Variants in TMEM178B observed in about 807,000 individuals in gnomAD.
TMEM178B encodes transmembrane protein 178B.
In TMEM178B, 5 loss-of-function variants were observed where a neutral mutation model predicts 31.0. That is an observed-to-expected ratio of 0.16 (90% CI 0.08 to 0.34). The LOEUF (loss-of-function observed/expected upper bound fraction) is 0.34, where lower values mean the gene tolerates loss of function less well. Ranked by LOEUF, TMEM178B falls within the 10% of genes least tolerant of loss-of-function variation. The pLI, the probability that TMEM178B is intolerant of heterozygous loss-of-function variation, is 1.00. For synonymous variants in TMEM178B, 164 were observed against 164.0 expected (o/e 1.00, Z 0.00); for missense variants, 275 against 400.3 (o/e 0.69, Z 2.67).
At chr7:141,213,966 G>A (rs1797090423) in intron 2 of TMEM178B, among the ~76,000 whole-genome samples, 1 of 152,198 alleles carries the variant, frequency 6.6e-6, no homozygotes, top group Admixed American at 6.5e-5. Context: ...CAGCACATGG[G>A]GATGGAGAGC....
intron 1 of TMEM178B, among the ~76,000 whole-genome samples, chr7:141,175,895 A>G (rs1796425563): frequency 6.6e-6 from 1 of 152,224 alleles, no homozygotes; most frequent in Non-Finnish European, 1.5e-5. Flanking sequence ...CAAACATGTC[A>G]TCTGCAAGCA....
chr7:141,121,276 A>G (rs118079866), intron 1 of TMEM178B, among the ~76,000 whole-genome samples: 1,799 of 152,276 alleles, frequency 0.012, 28 homozygotes, highest in Non-Finnish European at 0.015. Flanking sequence ...TCTTTTGCTT[A>G]GCTTTTTATC....
At position 141,344,574 on chromosome 7, in the gene TMEM178B, C is replaced by CCCTTCCTTCCTTCCTTCCTCCCTT; in HGVS notation, c.497-93015_497-93014insCCCTTCCTTCCTTCCTTCCTTCCT. Among the ~76,000 whole-genome samples, 1 of 137,318 alleles carries CCCTTCCTTCCTTCCTTCCTCCCTT rather than the reference C, an allele frequency of 7.3e-6. No individual in the cohort carries two copies. The highest frequency in any genetic ancestry group is 2.7e-4 in the South Asian group (1 of 3,650). The allele number at this position is 137,318 out of a possible 152,430, so 90.1% of individuals were successfully genotyped here. ...CTCCCTCCCTCCATTCCTCCCTCCT[C>CCCTTCCTTCCTTCCTTCCTCCCTT]CCTTCCTTCCTTCCTTCCTTCCTTC... On this transcript the variant is annotated intron_variant, in intron 2 of 3. Coordinates refer to ENST00000565468, the MANE Select transcript of TMEM178B (RefSeq NM_001195278.2). The surrounding 1 kb of genome is among the most constrained non-coding windows in gnomAD (Gnocchi z 4.1).
chr7:141,365,044 G>A (rs1437966414), intron 2 of TMEM178B, among the ~76,000 whole-genome samples: 2 of 152,266 alleles, frequency 1.3e-5, no homozygotes, highest in Admixed American at 6.5e-5. Flanking sequence ...CACATCTGTA[G>A]CCTAGTGATA....
At chr7:141,324,243 G>C (rs960019763) in intron 2 of TMEM178B, among the ~76,000 whole-genome samples, 1 of 152,076 alleles carries the variant, frequency 6.6e-6, no homozygotes, top group Non-Finnish European at 1.5e-5. Context: ...GGCAAACTCA[G>C]AGGCGGAGAC....
At chr7:141,191,119 A>G (rs549915387) in intron 1 of TMEM178B, among the ~76,000 whole-genome samples, 3 of 152,318 alleles carry the variant, frequency 2.0e-5, no homozygotes, top group African/African-American at 7.2e-5. Flanking sequence ...ATTAAGTAAG[A>G]ACTTATCGTA....
At chr7:141,088,348 A>T (rs964908037) in intron 1 of TMEM178B, among the ~76,000 whole-genome samples, 25 of 151,996 alleles carry the variant, frequency 1.6e-4, no homozygotes, top group Admixed American at 7.2e-4. Context: ...ACTGCTCCTG[A>T]AAAACCTCAC....
chr7:141,438,696 T>TAAAAAAAAAAAAAA lies in TMEM178B; in HGVS notation c.634+968_634+981dup, dbSNP rs869132131. Among the ~76,000 whole-genome samples, 12 of 29,004 alleles carry TAAAAAAAAAAAAAA rather than the reference T, an allele frequency of 4.1e-4. 1 individual carries two copies. Among genetic ancestry groups the TAAAAAAAAAAAAAA allele is most frequent in the African/African-American group, 9.0e-4 (10 of 11,120 alleles). The allele number at this position is 29,004 out of a possible 152,430, so 19.0% of individuals were successfully genotyped here. On this transcript the variant is annotated intron_variant, in intron 3 of 3. Transcript: ENST00000565468. ...CAGCTTGGTAAAACCCCGTCTCTACTAAAAAAAAAAAAAAAAAAAAAAAAA... is the reference window on the plus strand; with the variant it reads ...CAGCTTGGTAAAACCCCGTCTCTACTAAAAAAAAAAAAAAAAAAAAAAAAAAAAAAAAAAAAAAA...
chr7:141,372,954 G>A (rs1308740722), intron 2 of TMEM178B, among the ~76,000 whole-genome samples: 2 of 152,316 alleles, frequency 1.3e-5, no homozygotes, highest in East Asian at 1.9e-4. Context: ...GAAAAAAGGA[G>A]AGGGAAATGG....
the TMEM178B span, among the ~76,000 whole-genome samples, chr7:141,490,333 C>T: frequency 1.3e-5 from 2 of 152,204 alleles, no homozygotes; most frequent in Admixed American, 6.5e-5. Flanking sequence ...TTAGACTTGG[C>T]CCCTAACTCA....
intron 3 of TMEM178B, among the ~76,000 whole-genome samples, chr7:141,452,437 A>G (rs780843154): frequency 1.3e-5 from 2 of 152,176 alleles, no homozygotes; most frequent in Non-Finnish European, 2.9e-5. Context: ...AGATTGGTCT[A>G]TTACCTGAGT....
intron 2 of TMEM178B, among the ~76,000 whole-genome samples, chr7:141,333,715 T>A (rs889328602): frequency 2.6e-5 from 4 of 152,194 alleles, no homozygotes; most frequent in African/African-American, 9.7e-5. Context: ...CTTTTTGGCA[T>A]CAGGAACTGG....
chr7:141,370,480 G>A (rs1800096513), intron 2 of TMEM178B, among the ~76,000 whole-genome samples: 1 of 152,182 alleles, frequency 6.6e-6, no homozygotes, highest in Non-Finnish European at 1.5e-5. Context: ...ACTAATATAT[G>A]CAACACGTTG....
At chr7:141,369,316 C>CGTGTGTGTGTGTGT (rs55960871) in intron 2 of TMEM178B, among the ~76,000 whole-genome samples, 7 of 138,336 alleles carry the variant, frequency 5.1e-5, no homozygotes, top group South Asian at 2.5e-4. Context: ...TCCGCGCCGA[C>CGTGTGTGTGTGTGT]GTGTGTGTGT....
At chr7:141,369,011 A>G in intron 2 of TMEM178B, among the ~76,000 whole-genome samples, 1 of 152,276 alleles carries the variant, frequency 6.6e-6, no homozygotes, top group Admixed American at 6.5e-5. Context: ...GCCCACTCTA[A>G]GAACAAAGTA....
intron 2 of TMEM178B, among the ~76,000 whole-genome samples, chr7:141,385,097 A>C (rs1800406665): frequency 6.6e-6 from 1 of 152,214 alleles, no homozygotes; most frequent in Non-Finnish European, 1.5e-5. Flanking sequence ...CTAACCATCA[A>C]AACTTAAATG....
At chr7:141,416,034 T>A (rs189656604) in intron 2 of TMEM178B, 8 of 152,822 alleles carry the variant, frequency 5.2e-5, no homozygotes, top group African/African-American at 1.9e-4. Context: ...TCTTTTTAAA[T>A]TCTTTGTTGA....
At chr7:141,282,893 C>G (rs1798388387) in intron 2 of TMEM178B, among the ~76,000 whole-genome samples, 1 of 152,134 alleles carries the variant, frequency 6.6e-6, no homozygotes, top group Non-Finnish European at 1.5e-5. Flanking sequence ...ATGAAAAATT[C>G]TAGGTATAAT....
chr7:141,102,185 G>T (rs535929198), intron 1 of TMEM178B, among the ~76,000 whole-genome samples: 3 of 152,252 alleles, frequency 2.0e-5, no homozygotes, highest in East Asian at 3.9e-4. Flanking sequence ...GACTATTAAA[G>T]GGTTCAGCCA....
Sources: gnomAD v4.1 joint callset for allele counts (sites outside exome capture counted in the v4.1 genomes callset) on GRCh38, gnomAD v4.1.1 for gene constraint, Gnocchi (gnomAD v3.1) non-coding constraint, MANE v1.5 for transcripts, NCBI Gene and HGNC (gene_info 2026-07-23, HGNC 2026-07-21) for gene names.